MTUS2: variants seen among roughly 807,000 people sequenced by gnomAD.
MTUS2 encodes the protein microtubule associated scaffold protein 2, also known as microtubule-associated tumor suppressor candidate 2.
MTUS2 carries 40 observed loss-of-function variants against 114.1 expected under a neutral mutation model. That is an observed-to-expected ratio of 0.35 (90% CI 0.27 to 0.46). MTUS2 has a LOEUF of 0.46. Among genes scored for constraint, MTUS2 ranks in the 20% least tolerant of loss-of-function variants. The probability of loss-of-function intolerance (pLI) is 1.00; values close to 1 mark genes in which losing one functional copy is unlikely to be tolerated. For synonymous variants in MTUS2, 688 were observed against 672.0 expected (o/e 1.02, Z -0.37); for missense variants, 1,679 against 1,705.4 (o/e 0.98, Z 0.27).
chr13:29,495,079 G>A (rs1028173791), intron 12 of MTUS2, among the ~76,000 whole-genome samples: 8 of 150,906 alleles, frequency 5.3e-5, no homozygotes, highest in Non-Finnish European at 1.0e-4. Context: ...AGCTACTCGG[G>A]AGGCTGAGGC....
At chr13:29,500,842 C>T (rs1430577206) in intron 14 of MTUS2, among the ~76,000 whole-genome samples, 1 of 149,426 alleles carries the variant, frequency 6.7e-6, no homozygotes, top group Non-Finnish European at 1.5e-5. Context: ...CACATTGATA[C>T]ATAATATATA....
intron 7 of MTUS2, among the ~76,000 whole-genome samples, chr13:29,344,642 AT>A (rs1868486959): frequency 6.6e-6 from 1 of 152,174 alleles, no homozygotes; most frequent in Non-Finnish European, 1.5e-5. Context: ...CATTTAGGCC[AT>A]TAACATTCAA....
intron 1 of MTUS2, among the ~76,000 whole-genome samples, chr13:28,831,489 G>C (rs1037752946): frequency 1.3e-5 from 2 of 152,132 alleles, no homozygotes; most frequent in Non-Finnish European, 2.9e-5. Flanking sequence ...AGGAGAGCTG[G>C]AATGGCTATA....
chr13:29,332,310 T>G (rs1393938280), intron 7 of MTUS2, among the ~76,000 whole-genome samples: 1 of 148,886 alleles, frequency 6.7e-6, no homozygotes, highest in Non-Finnish European at 1.5e-5. Context: ...GCCCAGGAAT[T>G]TATCCATTTC....
intron 5 of MTUS2, among the ~76,000 whole-genome samples, chr13:29,181,819 T>TGTG (rs1415800483): frequency 6.6e-6 from 1 of 151,614 alleles, no homozygotes; most frequent in African/African-American, 2.4e-5. Context: ...TGTGTGTGTG[T>TGTG]GTGTACTGGA....
intron 6 of MTUS2, among the ~76,000 whole-genome samples, chr13:29,316,692 C>T (rs1900004186): frequency 1.3e-5 from 2 of 152,206 alleles, no homozygotes; most frequent in South Asian, 4.1e-4. Context: ...CCAGAAGTTG[C>T]AGGTTCAGGC....
intron 5 of MTUS2, among the ~76,000 whole-genome samples, chr13:29,268,152 C>CCT: frequency 6.6e-6 from 1 of 152,098 alleles, no homozygotes. Context: ...CCCCTAGTTC[C>CCT]CCACCCCCTG....
chr13:29,502,986 C>T lies in MTUS2; in HGVS notation c.3897-7C>T. Reference sequence around the variant, plus strand: ...ATTGCTACTTATTTGTCATTGTGCCCATGCAGACAGCTGTCGGAGGAAAAT... The same window carrying T: ...ATTGCTACTTATTTGTCATTGTGCCTATGCAGACAGCTGTCGGAGGAAAAT... On this transcript the variant is annotated splice_region_variant and splice_polypyrimidine_tract_variant and intron_variant, in intron 15 of 15. Transcript: ENST00000612955. The T allele has an allele frequency of 1.9e-6, 3 of 1,613,734 alleles. No homozygotes were observed. Among genetic ancestry groups the T allele is most frequent in the East Asian group, 4.5e-5 (2 of 44,886 alleles).
intron 2 of MTUS2, among the ~76,000 whole-genome samples, chr13:28,927,594 T>A (rs554584100): frequency 6.6e-6 from 1 of 152,258 alleles, no homozygotes; most frequent in African/African-American, 2.4e-5. Flanking sequence ...ACAAAATGCC[T>A]GCTTTTAAGT....
chr13:28,994,008 C>T (rs1324581679), intron 2 of MTUS2, among the ~76,000 whole-genome samples: 2 of 152,048 alleles, frequency 1.3e-5, no homozygotes, highest in South Asian at 2.1e-4. Context: ...CCCATTAACT[C>T]GTCATTTAGC....
intron 8 of MTUS2, among the ~76,000 whole-genome samples, chr13:29,383,277 T>A (rs1872379071): frequency 6.6e-6 from 1 of 151,796 alleles, no homozygotes; most frequent in Non-Finnish European, 1.5e-5. Context: ...ATGCAGGTCT[T>A]TAGGCAGTGT....
At chr13:29,394,326 T>G (rs1335650789) in intron 8 of MTUS2, among the ~76,000 whole-genome samples, 4 of 152,096 alleles carry the variant, frequency 2.6e-5, no homozygotes, top group Non-Finnish European at 5.9e-5. Flanking sequence ...AATCATTGGT[T>G]TGGTCCAGAA....
chr13:29,489,095 G>A (rs1009153837), intron 11 of MTUS2, among the ~76,000 whole-genome samples: 1 of 152,072 alleles, frequency 6.6e-6, no homozygotes, highest in Non-Finnish European at 1.5e-5. Context: ...GACCAGCCTG[G>A]CAAACATGGC....
At chr13:28,903,820 C>T (rs1274503144) in intron 2 of MTUS2, among the ~76,000 whole-genome samples, 1 of 151,894 alleles carries the variant, frequency 6.6e-6, no homozygotes, top group Non-Finnish European at 1.5e-5. Flanking sequence ...AGTTCTAGAT[C>T]CCTGAGGAAT....
intron 5 of MTUS2, among the ~76,000 whole-genome samples, chr13:29,190,417 G>T (rs1017502841): frequency 2.0e-5 from 3 of 152,226 alleles, no homozygotes; most frequent in Non-Finnish European, 4.4e-5. Flanking sequence ...CTGGCAAGTG[G>T]TGGAGCTGGG....
intron 5 of MTUS2, among the ~76,000 whole-genome samples, chr13:29,275,220 T>C (rs1356540319): frequency 1.3e-5 from 2 of 152,274 alleles, no homozygotes; most frequent in African/African-American, 4.8e-5. Flanking sequence ...AACTCTTTGT[T>C]AATATTTTTA....
At chr13:29,022,756 G>A (rs1886346316) in intron 2 of MTUS2, among the ~76,000 whole-genome samples, 1 of 152,202 alleles carries the variant, frequency 6.6e-6, no homozygotes, top group Admixed American at 6.5e-5. Context: ...ACTCATAATA[G>A]TGGATGAAAC....
intron 4 of MTUS2, among the ~76,000 whole-genome samples, chr13:29,063,073 T>A (rs1888498424): frequency 6.6e-6 from 1 of 152,202 alleles, no homozygotes; most frequent in African/African-American, 2.4e-5. Context: ...TAGGTGAGCA[T>A]GAAATTTTTA....
intron 5 of MTUS2, among the ~76,000 whole-genome samples, chr13:29,208,261 G>A (rs1200074153): frequency 1.3e-5 from 2 of 151,872 alleles, no homozygotes; most frequent in Non-Finnish European, 2.9e-5. Flanking sequence ...GTATTTCTGT[G>A]GTATCAGTTA....
Sources: allele counts gnomAD v4.1 joint callset (sites outside exome capture counted in the v4.1 genomes callset), GRCh38; gene constraint gnomAD v4.1.1; transcripts MANE v1.5; gene names NCBI Gene and HGNC (gene_info 2026-07-23, HGNC 2026-07-21).